MKLN1: variants seen among roughly 807,000 people sequenced by gnomAD.
MKLN1 encodes muskelin 1.
In MKLN1, 18 loss-of-function variants were observed where a neutral mutation model predicts 99.0. The observed-to-expected ratio is 0.18, with a 90% confidence interval of 0.13 to 0.27. The LOEUF (loss-of-function observed/expected upper bound fraction) is 0.27. Ranked by LOEUF, MKLN1 falls within the 10% of genes least tolerant of loss-of-function variation. The probability of loss-of-function intolerance (pLI) is 1.00; values close to 1 mark genes in which losing one functional copy is unlikely to be tolerated. For synonymous variants in MKLN1, 288 were observed against 293.2 expected (o/e 0.98, Z 0.18); for missense variants, 621 against 875.9 (o/e 0.71, Z 3.67).
intron 2 of MKLN1, among the ~76,000 whole-genome samples, chr7:131,379,295 A>G (rs1019770012): frequency 7.2e-5 from 11 of 152,226 alleles, no homozygotes; most frequent in African/African-American, 2.7e-4. Context: ...AGTATATAGC[A>G]GAAAGTAAGA....
chr7:131,328,048 G>A (rs375434489), intron 1 of MKLN1, 51 bp downstream of exon 1: 20 of 1,586,366 alleles, frequency 1.3e-5, no homozygotes, highest in Non-Finnish European at 1.5e-5. Context: ...GCGTCAGCAC[G>A]GTTGGGCCAG....
At chr7:131,133,264 T>C (rs934755789) in intron 1 of MKLN1, among the ~76,000 whole-genome samples, 1 of 151,740 alleles carries the variant, frequency 6.6e-6, no homozygotes, top group African/African-American at 2.4e-5. Flanking sequence ...CCTGGCAACT[T>C]CAAAGACGAG....
chr7:131,148,188 A>G (rs1795841371), intron 2 of MKLN1, among the ~76,000 whole-genome samples: 1 of 152,160 alleles, frequency 6.6e-6, no homozygotes, highest in Non-Finnish European at 1.5e-5. Flanking sequence ...AGCTGGGATT[A>G]CAGGCATGAA....
intron 1 of MKLN1, among the ~76,000 whole-genome samples, chr7:131,365,879 G>A (rs1800166578): frequency 6.6e-6 from 1 of 152,022 alleles, no homozygotes. Context: ...TTCTGATACG[G>A]TATTACCCCA....
At chr7:131,205,709 A>G (rs1796799715) in intron 3 of MKLN1, among the ~76,000 whole-genome samples, 1 of 151,916 alleles carries the variant, frequency 6.6e-6, no homozygotes, top group Non-Finnish European at 1.5e-5. Flanking sequence ...TGGCTGTAAC[A>G]CCGAGGCCTT....
intron 3 of MKLN1, among the ~76,000 whole-genome samples, chr7:131,245,793 T>G (rs562226484): frequency 6.6e-6 from 1 of 152,340 alleles, no homozygotes; most frequent in East Asian, 1.9e-4. Flanking sequence ...CAAACAACAA[T>G]GAAGTCTCCT....
intron 6 of MKLN1, among the ~76,000 whole-genome samples, chr7:131,399,636 T>G (rs1794472911): frequency 6.6e-6 from 1 of 152,170 alleles, no homozygotes; most frequent in Non-Finnish European, 1.5e-5. Context: ...AAAATTGAAA[T>G]GTACTTGAAC....
intron 3 of MKLN1, among the ~76,000 whole-genome samples, chr7:131,250,901 G>A (rs141767341): frequency 8.5e-5 from 13 of 152,194 alleles, no homozygotes; most frequent in African/African-American, 3.1e-4. Context: ...AAAGTAACAG[G>A]TTTCTGGAGA....
chr7:131,162,539 C>A (rs1356645346), intron 2 of MKLN1, among the ~76,000 whole-genome samples: 1 of 152,038 alleles, frequency 6.6e-6, no homozygotes, highest in African/African-American at 2.4e-5. Context: ...TTGTTTCATG[C>A]ACAAAATTAT....
At chr7:131,126,029 A>G (rs1342078383) in intron 1 of MKLN1, among the ~76,000 whole-genome samples, 1 of 2,874 alleles carries the variant, frequency 3.5e-4, no homozygotes, top group Non-Finnish European at 0.033. Context: ...GATAAATATA[A>G]ATAAATAAAT....
chr7:131,203,462 T>C (rs1481084396), intron 3 of MKLN1, among the ~76,000 whole-genome samples: 1 of 152,134 alleles, frequency 6.6e-6, no homozygotes, highest in Non-Finnish European at 1.5e-5. Flanking sequence ...AAAATATTTT[T>C]GTGCTGCGGT....
chr7:131,465,800 A>G (rs1435909545), intron 14 of MKLN1, among the ~76,000 whole-genome samples: 2 of 152,144 alleles, frequency 1.3e-5, no homozygotes, highest in African/African-American at 4.8e-5. Context: ...CGGCCTCCCA[A>G]AGTGCTGGGA....
intron 3 of MKLN1, among the ~76,000 whole-genome samples, chr7:131,225,962 C>T (rs555487028): frequency 2.6e-5 from 4 of 152,254 alleles, no homozygotes; most frequent in Non-Finnish European, 4.4e-5. Flanking sequence ...CTGGTGGCAG[C>T]CCCAGCCCTT....
At chr7:131,424,892 C>T (rs1584728605) in intron 8 of MKLN1, among the ~76,000 whole-genome samples, 1 of 152,274 alleles carries the variant, frequency 6.6e-6, no homozygotes, top group Non-Finnish European at 1.5e-5. Context: ...TGTGGCTTCT[C>T]CACTGTCTGT....
At chr7:131,383,644 C>T (rs1793916375) in intron 2 of MKLN1, among the ~76,000 whole-genome samples, 1 of 152,146 alleles carries the variant, frequency 6.6e-6, no homozygotes, top group Non-Finnish European at 1.5e-5. Flanking sequence ...TTTTGTACTT[C>T]CTGTTTCTTT....
intron 1 of MKLN1, among the ~76,000 whole-genome samples, chr7:131,140,855 C>T (rs1795721221): frequency 6.6e-6 from 1 of 151,946 alleles, no homozygotes; most frequent in South Asian, 2.1e-4. Flanking sequence ...TCTTGGCTCA[C>T]TGCAATCTCC....
chr7:131,411,892 T>G (rs1794886608), intron 7 of MKLN1, among the ~76,000 whole-genome samples: 1 of 95,122 alleles, frequency 1.1e-5, no homozygotes, highest in Non-Finnish European at 2.0e-5. Flanking sequence ...GGGAGACAGA[T>G]GGAGATTCCA....
intron 8 of MKLN1, 29 bp downstream of exon 8, chr7:131,414,739 A>T: frequency 7.0e-7 from 1 of 1,438,576 alleles, no homozygotes; most frequent in Non-Finnish European, 9.4e-7. Context: ...GGAAAGCAAA[A>T]TCTTCATTGG....
intron 2 of MKLN1, among the ~76,000 whole-genome samples, chr7:131,175,101 GTGGA>G (rs952427486): frequency 2.6e-5 from 4 of 151,454 alleles, no homozygotes; most frequent in Non-Finnish European, 5.9e-5. Context: ...GATAGGGTGG[GTGGA>G]TGGATGGATG....
Sources: gnomAD v4.1 joint callset for allele counts (sites outside exome capture counted in the v4.1 genomes callset) on GRCh38, gnomAD v4.1.1 for gene constraint, MANE v1.5 for transcripts, NCBI Gene and HGNC (gene_info 2026-07-23, HGNC 2026-07-21) for gene names.